The following SLC25A21 variants were observed in gnomAD, a reference collection of about 807,000 sequenced individuals.
The protein encoded by SLC25A21 is solute carrier family 25 member 21.
A neutral mutation model predicts 43.8 loss-of-function variants in SLC25A21; 47 were observed. That is an observed-to-expected ratio of 1.07 (90% confidence interval 0.85 to 1.37). The LOEUF is 1.37. Among genes scored for constraint, SLC25A21 ranks in the 40% most tolerant of loss-of-function variants. The probability of loss-of-function intolerance (pLI) is 0.00; values close to 1 mark genes in which losing one functional copy is unlikely to be tolerated. For synonymous variants in SLC25A21, 131 were observed against 121.3 expected, an observed-to-expected ratio of 1.08 and a Z score of -0.52; for missense variants, 352 against 350.2, an observed-to-expected ratio of 1.00 and a Z score of -0.04.
At chr14:36,891,259 C>G (rs1891064497) in intron 1 of SLC25A21, among the ~76,000 whole-genome samples, 1 of 152,110 alleles carries the variant, frequency 6.6e-6, no homozygotes, top group South Asian at 2.1e-4. Context: ...ACTACAAAGT[C>G]TGAAAACATA....
intron 1 of SLC25A21, among the ~76,000 whole-genome samples, chr14:36,976,319 C>A (rs901067258): frequency 2.0e-5 from 3 of 152,064 alleles, no homozygotes; most frequent in Non-Finnish European, 1.5e-5. Flanking sequence ...CAGTACTGGG[C>A]AAGGGGCAGT....
chr14:37,099,214 C>G (rs565098192), intron 1 of SLC25A21, among the ~76,000 whole-genome samples: 2 of 152,282 alleles, frequency 1.3e-5, no homozygotes, highest in East Asian at 1.9e-4. Context: ...CTTGCACCTT[C>G]TCCTCCCTAC....
chr14:36,908,204 C>A (rs775055770), intron 1 of SLC25A21, among the ~76,000 whole-genome samples: 10 of 152,078 alleles, frequency 6.6e-5, no homozygotes, highest in Non-Finnish European at 1.0e-4. Context: ...CAAAAGTGAA[C>A]CCTAATGTAA....
intron 1 of SLC25A21, among the ~76,000 whole-genome samples, chr14:37,051,724 T>C (rs1014592538): frequency 5.9e-5 from 9 of 152,204 alleles, no homozygotes; most frequent in African/African-American, 2.2e-4. Context: ...GACAGTCATA[T>C]GGAAAAGGCC....
chr14:36,898,680 C>T (rs544595911), intron 1 of SLC25A21, among the ~76,000 whole-genome samples: 2 of 152,238 alleles, frequency 1.3e-5, no homozygotes, highest in African/African-American at 4.8e-5. Flanking sequence ...TGGCTCCATC[C>T]CCCAATCTCA....
At chr14:36,801,659 T>C (rs139986317) in intron 3 of SLC25A21, among the ~76,000 whole-genome samples, 192 of 152,338 alleles carry the variant, frequency 1.3e-3, no homozygotes, top group African/African-American at 4.5e-3. Context: ...AGCTACTCTG[T>C]GGTGTCTGAA....
chr14:36,813,888 T>C (rs974667540), intron 3 of SLC25A21, 30 bp downstream of exon 3: 3 of 1,446,612 alleles, frequency 2.1e-6, no homozygotes, highest in Non-Finnish European at 1.9e-6. Context: ...TAGAAACATA[T>C]TAAAATGGCT....
intron 1 of SLC25A21, among the ~76,000 whole-genome samples, chr14:36,875,320 C>T (rs1233803963): frequency 6.6e-6 from 1 of 151,988 alleles, no homozygotes; most frequent in Non-Finnish European, 1.5e-5. Context: ...CTTCCCATTC[C>T]AACCCAATAA....
chr14:37,101,951 T>A (rs1435993437), intron 1 of SLC25A21, among the ~76,000 whole-genome samples: 1 of 152,168 alleles, frequency 6.6e-6, no homozygotes, highest in Non-Finnish European at 1.5e-5. Context: ...AGTTTCCTCA[T>A]CTGTAAGATG....
intron 1 of SLC25A21, among the ~76,000 whole-genome samples, chr14:36,937,955 T>A (rs1377055520): frequency 6.6e-6 from 1 of 152,182 alleles, no homozygotes; most frequent in Non-Finnish European, 1.5e-5. Flanking sequence ...GTTTCCTTTT[T>A]AAATCCATCT....
chr14:37,143,941 T>G lies in SLC25A21; in HGVS notation c.70+28340A>C, dbSNP rs185386808. Among the ~76,000 whole-genome samples, 44 of 152,346 alleles carry G rather than the reference T, an allele frequency of 2.9e-4. No homozygotes were observed. The East Asian group carries it at 4.2e-3, about 15-fold the overall frequency. ...TTAAATTTATCAATGCAGTTGCTGTTTTCCTAGAATAAAATGGGGGTTTTA... is the reference window on the plus strand; with the variant it reads ...TTAAATTTATCAATGCAGTTGCTGTGTTCCTAGAATAAAATGGGGGTTTTA... On this transcript the variant is annotated intron_variant, in intron 1 of 9. Transcript: ENST00000331299.
chr14:36,954,736 G>T (rs1308821922), intron 1 of SLC25A21, among the ~76,000 whole-genome samples: 1 of 152,034 alleles, frequency 6.6e-6, no homozygotes, highest in Non-Finnish European at 1.5e-5. Flanking sequence ...TAACTAGCTC[G>T]ATTGAGCCAT....
intron 1 of SLC25A21, among the ~76,000 whole-genome samples, chr14:36,940,902 G>C (rs1353042309): frequency 6.6e-6 from 1 of 152,116 alleles, no homozygotes. Flanking sequence ...AGAATGACTG[G>C]ATAGGTCATT....
intron 7 of SLC25A21, among the ~76,000 whole-genome samples, chr14:36,687,327 G>C (rs1882600235): frequency 6.6e-6 from 1 of 151,940 alleles, no homozygotes; most frequent in African/African-American, 2.4e-5. Flanking sequence ...CTGTGCTTCA[G>C]AATCATCTGG....
intron 6 of SLC25A21, among the ~76,000 whole-genome samples, chr14:36,722,128 T>C (rs1380821087): frequency 6.6e-6 from 1 of 152,240 alleles, no homozygotes. Context: ...CTAGTTGAGA[T>C]GTGCTGTTAA....
chr14:36,888,735 A>G (rs1042395375), intron 1 of SLC25A21, among the ~76,000 whole-genome samples: 9 of 152,310 alleles, frequency 5.9e-5, no homozygotes, highest in African/African-American at 2.2e-4. Context: ...CCTCAAGCAA[A>G]TACACATCAT....
chr14:36,816,739 A>G (rs1888470180), intron 2 of SLC25A21, among the ~76,000 whole-genome samples: 6 of 152,110 alleles, frequency 3.9e-5, no homozygotes, highest in Admixed American at 3.9e-4. Flanking sequence ...TCTGGGCTCA[A>G]GCAATCCTCC....
At chr14:36,706,084 A>G (rs1416053859) in intron 7 of SLC25A21, among the ~76,000 whole-genome samples, 9 of 152,200 alleles carry the variant, frequency 5.9e-5, no homozygotes, top group Non-Finnish European at 1.3e-4. Flanking sequence ...ACATAAAATC[A>G]ATGACTTTGT....
chr14:36,962,113 C>T (rs1203976130), intron 1 of SLC25A21, among the ~76,000 whole-genome samples: 3 of 152,178 alleles, frequency 2.0e-5, no homozygotes, highest in Admixed American at 1.3e-4. Flanking sequence ...GCTATTAAAT[C>T]ATTTTCCTCA....
Sources: gnomAD v4.1 joint callset for allele counts (sites outside exome capture counted in the v4.1 genomes callset) on GRCh38, gnomAD v4.1.1 for gene constraint, MANE v1.5 for transcripts, NCBI Gene and HGNC (gene_info 2026-07-23, HGNC 2026-07-21) for gene names.